Variants in GNL3L observed in about 807,000 individuals in gnomAD.
GNL3L encodes G protein nucleolar 3 like.
GNL3L carries 4 observed loss-of-function variants against 42.9 expected under a neutral mutation model. That is an observed-to-expected ratio of 0.09 (90% CI 0.05 to 0.21). The LOEUF (loss-of-function observed/expected upper bound fraction) is 0.21, where lower values mean the gene tolerates loss of function less well. Ranked by LOEUF, GNL3L falls within the 10% of genes least tolerant of loss-of-function variation. The probability of loss-of-function intolerance (pLI) is 1.00; values close to 1 mark genes in which losing one functional copy is unlikely to be tolerated. For synonymous variants in GNL3L, 159 were observed against 176.3 expected (o/e 0.90, Z 0.78); for missense variants, 412 against 481.7 (o/e 0.86, Z 1.36).
At chrX:54,634,582 G>A in the GNL3L span, among the ~76,000 whole-genome samples, 8 of 109,472 alleles carry the variant, frequency 7.3e-5, no homozygotes, top group East Asian at 2.3e-3. Flanking sequence ...GGGTTCAAGC[G>A]AGTCTCCTGC....
chrX:54,634,887 G>T, the GNL3L span, among the ~76,000 whole-genome samples: 1 of 103,741 alleles, frequency 9.6e-6, no homozygotes, highest in Non-Finnish European at 2.0e-5. Context: ...CCTCCTGGGG[G>T]TTCAAGCGAT....
At chrX:54,645,721 G>T in the GNL3L span, among the ~76,000 whole-genome samples, 1 of 112,009 alleles carries the variant, frequency 8.9e-6, no homozygotes, top group African/African-American at 3.2e-5. Context: ...CTGAAGATGT[G>T]CCTATATTAA....
intron 16 of GNL3L, among the ~76,000 whole-genome samples, chrX:54,579,357 TATTACCATTTCAATTTCTTATATAAA>T (rs1162387299): frequency 8.0e-5 from 9 of 112,022 alleles, no homozygotes; most frequent in Admixed American, 7.6e-4. Flanking sequence ...AAGTTAAGTC[TATTACCATTTCAATTTCTTATATAAA>T]TTTTGAGGTT....
intron 16 of GNL3L, among the ~76,000 whole-genome samples, chrX:54,614,246 G>A (rs1214286230): frequency 9.0e-6 from 1 of 111,151 alleles, no homozygotes; most frequent in Non-Finnish European, 1.9e-5. Flanking sequence ...CCCAGCAAAC[G>A]AAGGGCCTGT....
rs989287655 is a variant in GNL3L at position 54,566,158 on chromosome X, T to C, written c.*5556T>C. ...TCTCATTCTGTAAACGGTGTCTTTT[T>C]TTCATTATGGGAAAGCTTTATTGAC... On this transcript the variant is annotated 3_prime_UTR_variant, in exon 16 of 16. Coordinates refer to ENST00000360845, the MANE Select transcript of GNL3L (RefSeq NM_001184819.2). Among the ~76,000 whole-genome samples, 4 of 111,658 alleles carry C rather than the reference T, an allele frequency of 3.6e-5. No individual in the cohort carries two copies. The highest frequency in any genetic ancestry group is 7.5e-5 in the Non-Finnish European group (4 of 53,194).
chrX:54,536,467 T>C (rs1924427367), intron 2 of GNL3L, among the ~76,000 whole-genome samples: 2 of 110,971 alleles, frequency 1.8e-5, no homozygotes, highest in African/African-American at 6.5e-5. Flanking sequence ...ATTTAATTTT[T>C]ATTTTGCCAG....
At chrX:54,625,429 T>A (rs190208573), downstream of GNL3L, among the ~76,000 whole-genome samples, 284 of 110,582 alleles carry the variant, frequency 2.6e-3, 2 homozygotes, top group African/African-American at 8.7e-3. Flanking sequence ...TGATCATATG[T>A]GTTTCTTTGA....
chrX:54,589,578 T>C (rs1925839081), intron 16 of GNL3L, among the ~76,000 whole-genome samples: 1 of 112,095 alleles, frequency 8.9e-6, no homozygotes, highest in Admixed American at 9.5e-5. Context: ...ATCTCATTCT[T>C]TTTATGACTG....
chrX:54,628,212 G>GGTGT, the GNL3L span, among the ~76,000 whole-genome samples: 1,066 of 95,757 alleles, frequency 0.011, 9 homozygotes, highest in African/African-American at 0.021. Context: ...AGTATTCCGT[G>GGTGT]GTGTGTGTGT....
chrX:54,594,217 A>G (rs1371610413), intron 16 of GNL3L, among the ~76,000 whole-genome samples: 2 of 111,558 alleles, frequency 1.8e-5, no homozygotes, highest in African/African-American at 3.3e-5. Flanking sequence ...ATCTACAGCT[A>G]TTATTGTATT....
At chrX:54,620,332 C>G (rs1443719588) in intron 16 of GNL3L, among the ~76,000 whole-genome samples, 2 of 111,230 alleles carry the variant, frequency 1.8e-5, no homozygotes, top group African/African-American at 6.5e-5. Context: ...TACTCTCTAT[C>G]CCCGTGGGTT....
In GNL3L at chrX:54,609,589, G is replaced by A. The variant is rs375643399; in HGVS notation, c.*46-11256G>A. Among the ~76,000 whole-genome samples the A allele has an allele frequency of 1.1e-4, 12 of 111,866 alleles. No individual in the cohort carries two copies. The East Asian group carries it at 2.2e-3, about 21-fold the overall frequency. Reference sequence around the variant, plus strand: ...TGTGGCTAGCCAATTATTCCAGCACGATTTGTTGAATAGGCTGTCCTTTCC... The same window carrying A: ...TGTGGCTAGCCAATTATTCCAGCACAATTTGTTGAATAGGCTGTCCTTTCC... On this transcript the variant is annotated intron_variant, in intron 16 of 16. Coordinates refer to the GNL3L transcript ENST00000674498.
Position 54,551,131 on chromosome X carries a change from C to A in GNL3L, c.863+81C>A, listed in dbSNP as rs891614656. ...CAACTCCCATGCCTTCAGCCCCTGT[C>A]CCTTTCCTTATCATGGACCATCCCC... On this transcript the variant is annotated intron_variant, in intron 10 of 15. Transcript: ENST00000360845. The A allele has an allele frequency of 1.7e-5, 10 of 584,786 alleles. No individual in the cohort carries two copies. The Admixed American group carries it at 2.5e-4, about 15-fold the overall frequency. The allele number at this position is 584,786 out of a possible 1,213,427, so 48.2% of individuals were successfully genotyped here.
intron 8 of GNL3L, among the ~76,000 whole-genome samples, chrX:54,545,928 A>G (rs1251906466): frequency 8.9e-6 from 1 of 112,469 alleles, no homozygotes; most frequent in African/African-American, 3.2e-5. Context: ...AGCTCATTGC[A>G]GCCTCAAACT....
At chrX:54,572,707 G>T (rs1397468039) in intron 16 of GNL3L, among the ~76,000 whole-genome samples, 1 of 110,417 alleles carries the variant, frequency 9.1e-6, no homozygotes, top group Non-Finnish European at 1.9e-5. Context: ...CTCCCTCCCG[G>T]ACAGGGTAGC....
the GNL3L span, among the ~76,000 whole-genome samples, chrX:54,645,441 C>T: frequency 1.8e-5 from 2 of 111,881 alleles, no homozygotes; most frequent in Non-Finnish European, 3.8e-5. Context: ...TTTGGGCATC[C>T]ATTGAGATGA....
At chrX:54,606,996 C>CT (rs1432423273) in intron 16 of GNL3L, among the ~76,000 whole-genome samples, 5 of 17,772 alleles carry the variant, frequency 2.8e-4, no homozygotes, top group Non-Finnish European at 4.4e-4. Context: ...CTTTCCTTTC[C>CT]TTTCTTTCTT....
intron 8 of GNL3L, among the ~76,000 whole-genome samples, chrX:54,547,380 A>G (rs1924806386): frequency 9.0e-6 from 1 of 111,175 alleles, no homozygotes; most frequent in African/African-American, 3.3e-5. Flanking sequence ...ATTGATGGAT[A>G]TATAGGCTAA....
intron 16 of GNL3L, among the ~76,000 whole-genome samples, chrX:54,587,387 C>G (rs987904887): frequency 8.9e-6 from 1 of 112,069 alleles, no homozygotes; most frequent in East Asian, 2.8e-4. Flanking sequence ...GGAGTCTATT[C>G]CTCACTTTAT....
Sources: allele counts gnomAD v4.1 joint callset (sites outside exome capture counted in the v4.1 genomes callset), GRCh38; gene constraint gnomAD v4.1.1; transcripts MANE v1.5; gene names NCBI Gene and HGNC (gene_info 2026-07-23, HGNC 2026-07-21).